CDH4: variants seen among roughly 807,000 people sequenced by gnomAD.
CDH4 encodes the protein cadherin 4.
CDH4 carries 33 observed loss-of-function variants against 86.0 expected under a neutral mutation model. The ratio of observed to expected loss-of-function variants is 0.38; its 90% confidence interval spans 0.29 to 0.51. The LOEUF is 0.51. CDH4 is among the 20% of genes least tolerant of loss of function. The pLI, the probability that CDH4 is intolerant of heterozygous loss-of-function variation, is 0.86. For missense variants in CDH4, 1,114 were observed against 1,307.4 expected (o/e 0.85, Z 2.28); for synonymous variants, 555 against 549.4 (o/e 1.01, Z -0.14).
chr20:61,459,399 G>A (rs566800975), intron 2 of CDH4, among the ~76,000 whole-genome samples: 2 of 151,854 alleles, frequency 1.3e-5, no homozygotes, highest in Non-Finnish European at 2.9e-5. Context: ...CAACCCCGGG[G>A]TTCCCACCTG....
At chr20:61,547,228 CCT>C (rs2086094518) in intron 2 of CDH4, among the ~76,000 whole-genome samples, 1 of 140,084 alleles carries the variant, frequency 7.1e-6, no homozygotes, top group African/African-American at 2.7e-5. Flanking sequence ...TTTTTTGCCC[CCT>C]GAGACGGAGT....
Position 61,510,317 on chromosome 20 carries a change from T to G in CDH4, c.170-233246T>G, listed in dbSNP as rs1336554413. 6.6e-6 allele frequency among the ~76,000 whole-genome samples: 1 copy of G among 152,170 alleles called. No individual in the cohort carries two copies. The highest frequency in any genetic ancestry group is 1.9e-4 in the East Asian group (1 of 5,182). ...GAACGTGCATTCAGGGGAGTTTCTA[T>G]TTGCCCAGGAGGATTGTGATGTAAG... On this transcript the variant is annotated intron_variant, in intron 2 of 15. Transcript: ENST00000614565. The surrounding 1 kb of genome is among the most constrained non-coding windows in gnomAD (Gnocchi z 4.2).
intron 2 of CDH4, among the ~76,000 whole-genome samples, chr20:61,326,585 C>T (rs1300913968): frequency 6.6e-6 from 1 of 152,134 alleles, no homozygotes; most frequent in Non-Finnish European, 1.5e-5. Flanking sequence ...TATGGAATTC[C>T]ATTCTTCCTT....
At chr20:61,353,426 T>A (rs2123304541) in intron 2 of CDH4, among the ~76,000 whole-genome samples, 1 of 152,204 alleles carries the variant, frequency 6.6e-6, no homozygotes, top group East Asian at 1.9e-4. Flanking sequence ...GACTTTGGCC[T>A]GTAAATTTAT....
chr20:61,300,307 C>T (rs1463731086), intron 2 of CDH4, among the ~76,000 whole-genome samples: 4 of 152,060 alleles, frequency 2.6e-5, no homozygotes, highest in Non-Finnish European at 4.4e-5. Flanking sequence ...AGGAGAAGGG[C>T]CACATGAGGG....
chr20:61,756,516 C>T (rs1251247701), intron 3 of CDH4, among the ~76,000 whole-genome samples: 3 of 150,866 alleles, frequency 2.0e-5, no homozygotes, highest in African/African-American at 7.3e-5. Context: ...GGCCCATCCC[C>T]CCATCCCCCT....
At chr20:61,260,926 A>G (rs1262298503) in intron 2 of CDH4, among the ~76,000 whole-genome samples, 1 of 152,264 alleles carries the variant, frequency 6.6e-6, no homozygotes, top group Non-Finnish European at 1.5e-5. Context: ...AATAAAGCAC[A>G]GAAAGCGCTG....
chr20:61,549,793 G>A (rs992998429), intron 2 of CDH4, among the ~76,000 whole-genome samples: 10 of 152,236 alleles, frequency 6.6e-5, no homozygotes, highest in Non-Finnish European at 1.0e-4. Flanking sequence ...AGCGCTTAGC[G>A]CATGGGAAAC....
At chr20:61,730,247 G>A (rs182089368) in intron 2 of CDH4, among the ~76,000 whole-genome samples, 36 of 152,246 alleles carry the variant, frequency 2.4e-4, no homozygotes, top group African/African-American at 7.7e-4. Context: ...TGGACCAAAT[G>A]CATGGTGACA....
intron 2 of CDH4, among the ~76,000 whole-genome samples, chr20:61,558,485 T>G (rs1292401073): frequency 1.3e-5 from 2 of 152,200 alleles, no homozygotes; most frequent in Non-Finnish European, 1.5e-5. Context: ...ATTTTGTAGC[T>G]CTCTGGGGCT....
At chr20:61,644,214 G>T (rs2087038328) in intron 2 of CDH4, among the ~76,000 whole-genome samples, 1 of 152,222 alleles carries the variant, frequency 6.6e-6, no homozygotes, top group African/African-American at 2.4e-5. Flanking sequence ...GCAGGCCAAG[G>T]TCAAGGCTCC....
At chr20:61,882,109 C>G (rs1031825334) in intron 7 of CDH4, among the ~76,000 whole-genome samples, 1 of 152,210 alleles carries the variant, frequency 6.6e-6, no homozygotes, top group Non-Finnish European at 1.5e-5. Flanking sequence ...TCTGGCCTTC[C>G]GGACTGCTGT....
chr20:61,770,666 A>G (rs1296994960), intron 3 of CDH4, among the ~76,000 whole-genome samples: 1 of 152,154 alleles, frequency 6.6e-6, no homozygotes, highest in Non-Finnish European at 1.5e-5. Flanking sequence ...GGAGGATCAC[A>G]AGGTCAGGAG....
chr20:61,847,319 G>T (rs1982504424), intron 5 of CDH4, among the ~76,000 whole-genome samples: 1 of 152,220 alleles, frequency 6.6e-6, no homozygotes, highest in Non-Finnish European at 1.5e-5. Flanking sequence ...CTGCAACCCA[G>T]CCTGGGAGTT....
chr20:61,286,829 G>T (rs1463005920), intron 2 of CDH4, among the ~76,000 whole-genome samples: 1 of 152,194 alleles, frequency 6.6e-6, no homozygotes, highest in Non-Finnish European at 1.5e-5. Flanking sequence ...GACTTTGTTT[G>T]TTTGTTTGTT....
chr20:61,936,356 T>TCCCCTTC (rs1168886033), intron 15 of CDH4, among the ~76,000 whole-genome samples: 1 of 5,318 alleles, frequency 1.9e-4, no homozygotes. Context: ...CCACACCCCT[T>TCCCCTTC]CCCCACACCC....
intron 2 of CDH4, among the ~76,000 whole-genome samples, chr20:61,512,901 T>A (rs939422667): frequency 6.6e-6 from 1 of 152,244 alleles, no homozygotes; most frequent in Non-Finnish European, 1.5e-5. Context: ...TTGTTCAGTT[T>A]GTGTGTTTGT....
intron 2 of CDH4, among the ~76,000 whole-genome samples, chr20:61,383,260 ATG>A (rs1418007134): frequency 3.8e-5 from 4 of 106,552 alleles, no homozygotes; most frequent in Admixed American, 2.1e-4. Context: ...ATATGAATAT[ATG>A]TGATATATAT....
chr20:61,531,368 A>G lies in CDH4; in HGVS notation c.170-212195A>G, dbSNP rs544049397. Among the ~76,000 whole-genome samples, 3 of 150,008 alleles carry G rather than the reference A, an allele frequency of 2.0e-5. No homozygotes were observed. The South Asian group carries it at 6.5e-4, about 32-fold the overall frequency. On this transcript the variant is annotated intron_variant, in intron 2 of 15. Transcript: ENST00000614565. Reference sequence around the variant, plus strand: ...GTGCCTGTAATCCCAGGTACTCAGGAGGCTGAGGCAGGGAAAATCACTTGA... The same window carrying G: ...GTGCCTGTAATCCCAGGTACTCAGGGGGCTGAGGCAGGGAAAATCACTTGA...
Sources: allele counts gnomAD v4.1 joint callset (sites outside exome capture counted in the v4.1 genomes callset), GRCh38; gene constraint gnomAD v4.1.1; non-coding constraint Gnocchi (gnomAD v3.1); transcripts MANE v1.5; gene names NCBI Gene and HGNC (gene_info 2026-07-23, HGNC 2026-07-21).